Variants in UBR4 observed in about 807,000 individuals in gnomAD.
The protein encoded by UBR4 is E3 ubiquitin-protein ligase UBR4.
Under a neutral mutation model 575.6 loss-of-function variants are expected in UBR4, and 124 were observed. That is an observed-to-expected ratio of 0.22 (90% CI 0.19 to 0.25). UBR4 has a LOEUF of 0.25. Ranked by LOEUF, UBR4 falls within the 10% of genes least tolerant of loss-of-function variation. The pLI is 1.00. For missense variants in UBR4, 4,818 were observed against 6,478.8 expected, an observed-to-expected ratio of 0.74 and a Z score of 8.80; for synonymous variants, 2,455 against 2,473.7, an observed-to-expected ratio of 0.99 and a Z score of 0.22.
rs751005274 is a variant in UBR4 at position 19,100,459 on chromosome 1, C to G, written c.13138G>C (p.Gly4380Arg). 1.9e-6 allele frequency: 3 copies of G among 1,614,006 alleles called. No individual in the cohort carries two copies. The highest frequency in any genetic ancestry group is 1.3e-5 in the African/African-American group (1 of 74,896). ...TTCTTTATATCCCTCATCAGCGGCC[C>G]GATGCCTGGCTCATTGCTGCTATAC... ...NPYSSNEPGI[G>R]PLMRDIKNKI... is the part of the protein sequence containing the mutation. Residue 4380 changes from glycine (G) to arginine (R), a missense_variant, in exon 89 of 106, where the codon GGG (glycine) becomes CGG (arginine). By Grantham distance (125) the Gly-to-Arg change is moderately radical (BLOSUM62 -2). Coordinates refer to ENST00000375254, the MANE Select transcript of UBR4 (RefSeq NM_020765.3). This position sits in a 1 kb window ranked among gnomAD's most constrained non-coding sequence, Gnocchi z 4.2.
chr1:19,158,862 C>T (rs1311218608), intron 39 of UBR4, among the ~76,000 whole-genome samples: 1 of 152,120 alleles, frequency 6.6e-6, no homozygotes, highest in Non-Finnish European at 1.5e-5. Flanking sequence ...CCAACTTTGG[C>T]TGGGCACAGT....
Position 19,094,967 on chromosome 1 carries a change from A to T in UBR4, c.13685T>A (p.Val4562Glu). ...TAGAATGATCTCCATGATGCTAAGC[A>T]CCTGCTCAGCCACAGCTGCACCCCC... The part of the protein sequence containing the change: ...DSGGAAVAEQ[V>E]LSIMEIILDE... The change falls in exon 94 of 106, where the codon GTG becomes GAG. Residue 4562 changes from valine to glutamate, a missense_variant. Coordinates refer to ENST00000375254, the MANE Select transcript of UBR4 (RefSeq NM_020765.3). 6.2e-7 allele frequency: 1 copy of T among 1,614,134 alleles called. No individual in the cohort carries two copies. Among genetic ancestry groups the T allele is most frequent in the Non-Finnish European group, 8.5e-7 (1 of 1,180,034 alleles).
chr1:19,145,709 C>A, intron 53 of UBR4, 84 bp downstream of exon 53: 1 of 1,473,332 alleles, frequency 6.8e-7, no homozygotes, highest in Admixed American at 2.2e-5. Context: ...AGAATGAAAG[C>A]TAATGGCTAA....
At chr1:19,199,198 A>G (rs186575517) in intron 3 of UBR4, among the ~76,000 whole-genome samples, 2 of 152,338 alleles carry the variant, frequency 1.3e-5, no homozygotes, top group African/African-American at 4.8e-5. Flanking sequence ...CAGTATAGCA[A>G]CCTTGCACCT....
In UBR4 at chr1:19,155,677, T is replaced by C; in HGVS notation, c.6073-9A>G. Reference sequence around the variant, plus strand: ...ACACACAGGTCATAAATCTGCAGGATGGAAGAAAAATTAAATAAGGGAAAT... The same window carrying C: ...ACACACAGGTCATAAATCTGCAGGACGGAAGAAAAATTAAATAAGGGAAAT... On this transcript the variant is annotated splice_polypyrimidine_tract_variant and intron_variant, in intron 42 of 105. Coordinates refer to ENST00000375254, the MANE Select transcript of UBR4 (RefSeq NM_020765.3). 6.2e-7 allele frequency: 1 copy of C among 1,609,150 alleles called. No homozygotes were observed. Among genetic ancestry groups the C allele is most frequent in the African/African-American group, 1.3e-5 (1 of 74,914 alleles).
Position 19,156,806 on chromosome 1 carries a change from A to G in UBR4, c.5880T>C (p.Asn1960=). The G allele has an allele frequency of 6.2e-7, 1 of 1,614,154 alleles. No homozygotes were observed. Among genetic ancestry groups the G allele is most frequent in the Non-Finnish European group, 8.5e-7 (1 of 1,180,020 alleles). Residue 1960 remains asparagine, a synonymous_variant, in exon 41 of 106, where the codon AAT becomes AAC. Transcript: ENST00000375254. ...CCGCCAAGTAGTCTTCCTTGCAGGGATTTCCTGTGAGGCTCAACACAGTAA... is the reference window on the plus strand; with the variant it reads ...CCGCCAAGTAGTCTTCCTTGCAGGGGTTTCCTGTGAGGCTCAACACAGTAA... ...VPFTVLSLTG[N]PCKEDYLAVC...
intron 27 of UBR4, 146 bp downstream of exon 27, chr1:19,169,289 G>A (rs1436805356): frequency 8.6e-6 from 5 of 582,742 alleles, no homozygotes; most frequent in Non-Finnish European, 1.4e-5. Flanking sequence ...TAAATGCATT[G>A]ATTAATGATT....
In UBR4 at chr1:19,173,404, G is replaced by C. The variant is rs1292035151; in HGVS notation, c.3165+35C>G. The stretch of plus-strand genomic sequence containing the variant: ...GCTCCAGTAAGCACAAAGCACTTTG[G>C]CTTTGAATAGTCTTAGCAGCAAGCT... On this transcript the variant is annotated intron_variant, in intron 23 of 105. Transcript: ENST00000375254. 4 of 1,613,134 alleles carry C rather than the reference G, an allele frequency of 2.5e-6. No homozygotes were observed. In the African/African-American group the frequency reaches 5.3e-5, roughly 22 times the overall value.
intron 29 of UBR4, among the ~76,000 whole-genome samples, chr1:19,166,714 CAAAAAAAAAAAAAAAAAAAAAAAAAAAA>C (rs535369262): frequency 1.4e-4 from 10 of 73,752 alleles, no homozygotes; most frequent in South Asian, 1.1e-3. Flanking sequence ...CCATCTCTAC[CAAAAAAAAAAAAAAAAAAAAAAAAAAAA>C]AAAAAAAAAA....
chr1:19,182,219 C>T (rs1041685291), intron 17 of UBR4, among the ~76,000 whole-genome samples: 6 of 152,206 alleles, frequency 3.9e-5, no homozygotes, highest in Non-Finnish European at 5.9e-5. Context: ...ACCAGGGTTG[C>T]TTCCATCTTC....
chr1:19,134,380 T>C (rs944994863), intron 60 of UBR4, among the ~76,000 whole-genome samples: 1 of 152,082 alleles, frequency 6.6e-6, no homozygotes. Flanking sequence ...TTAGCTATGA[T>C]TGTGCATACC....
chr1:19,083,706 G>GT (rs890503634), intron 102 of UBR4, among the ~76,000 whole-genome samples: 2 of 152,218 alleles, frequency 1.3e-5, no homozygotes, highest in African/African-American at 4.8e-5. Context: ...TAAAACAATT[G>GT]TTTTTTTCAT....
intron 96 of UBR4, 66 bp from the exon 97 acceptor site, chr1:19,092,984 G>T: frequency 2.1e-6 from 3 of 1,446,640 alleles, no homozygotes; most frequent in South Asian, 1.2e-5. Flanking sequence ...ACCAGTTGTT[G>T]ACTCTGGCTT....
intron 11 of UBR4, among the ~76,000 whole-genome samples, chr1:19,189,823 C>T (rs1375680649): frequency 6.6e-6 from 1 of 152,194 alleles, no homozygotes; most frequent in South Asian, 2.1e-4. Flanking sequence ...CATAAAATCA[C>T]AAACTACCGT....
chr1:19,191,313 A>G lies in UBR4; in HGVS notation c.1394+875T>C, dbSNP rs189811676. Among the ~76,000 whole-genome samples the G allele has an allele frequency of 1.7e-3, 255 of 152,280 alleles. 1 individual carries two copies. Among genetic ancestry groups the G allele is most frequent in the African/African-American group, 5.6e-3 (231 of 41,562 alleles). ...TGGTGAAACCCCGTCTCTACTAAAA[A>G]TACAAAAATTAGCTGGGTGTGGTGG... On this transcript the variant is annotated intron_variant, in intron 11 of 105. Transcript: ENST00000375254.
At chr1:19,122,198 G>A (rs887149842) in intron 66 of UBR4, among the ~76,000 whole-genome samples, 186 bp from the exon 67 acceptor site, 2 of 152,134 alleles carry the variant, frequency 1.3e-5, no homozygotes, top group South Asian at 2.1e-4. Flanking sequence ...TGCTGCAACC[G>A]CTGCAGCTCT....
intron 97 of UBR4, among the ~76,000 whole-genome samples, chr1:19,090,428 A>C (rs2077395239): frequency 6.6e-6 from 1 of 152,006 alleles, no homozygotes; most frequent in Admixed American, 6.6e-5. Flanking sequence ...CCCTGCTTGG[A>C]TCTCCATCGG....
At chr1:19,178,344 T>C (rs756217625) in intron 18 of UBR4, among the ~76,000 whole-genome samples, 1 of 152,184 alleles carries the variant, frequency 6.6e-6, no homozygotes, top group Non-Finnish European at 1.5e-5. Flanking sequence ...CTTTGGCTAT[T>C]TGGAAAGAGA....
intron 55 of UBR4, among the ~76,000 whole-genome samples, chr1:19,143,270 GAAAGA>G (rs2084312022): frequency 7.7e-5 from 5 of 65,190 alleles, no homozygotes; most frequent in Admixed American, 1.7e-4. Context: ...AAGAAAGAAA[GAAAGA>G]AAGAAAGAAA....
Sources: allele counts gnomAD v4.1 joint callset (sites outside exome capture counted in the v4.1 genomes callset), GRCh38; gene constraint gnomAD v4.1.1; non-coding constraint Gnocchi (gnomAD v3.1); transcripts MANE v1.5; gene names NCBI Gene and HGNC (gene_info 2026-07-23, HGNC 2026-07-21).